Variants in MMD2 observed in about 807,000 individuals in gnomAD.
MMD2 encodes monocyte to macrophage differentiation associated 2, also known as monocyte to macrophage differentiation factor 2.
In MMD2, 30 loss-of-function variants were observed where a neutral mutation model predicts 33.5. The observed-to-expected ratio is 0.90, with a 90% CI of 0.67 to 1.22. The LOEUF (loss-of-function observed/expected upper bound fraction) is 1.22, where lower values mean the gene tolerates loss of function less well. Ranked by LOEUF, MMD2 falls within the 50% of genes most tolerant of loss-of-function variation. The probability of loss-of-function intolerance (pLI) is 0.00; values close to 1 mark genes in which losing one functional copy is unlikely to be tolerated. For synonymous variants in MMD2, 129 were observed against 123.0 expected, an observed-to-expected ratio of 1.05 and a Z score of -0.32; for missense variants, 364 against 325.4, an observed-to-expected ratio of 1.12 and a Z score of -0.91.
Position 4,925,433 on chromosome 7 carries a change from C to A in MMD2, c.129+18G>T. Reference sequence around the variant, plus strand: ...AGTGTCCCCATCTCAGCCCTGAGCCCCCCAAAAGCCAACTCACAGCATGGG... The same window carrying A: ...AGTGTCCCCATCTCAGCCCTGAGCCACCCAAAAGCCAACTCACAGCATGGG... On this transcript the variant is annotated intron_variant, in intron 2 of 6. Coordinates refer to ENST00000401401, the MANE Select transcript of MMD2 (RefSeq NM_198403.4). The A allele has an allele frequency of 6.5e-7, 1 of 1,532,200 alleles. No individual in the cohort carries two copies. Among genetic ancestry groups the A allele is most frequent in the Non-Finnish European group, 8.8e-7 (1 of 1,136,918 alleles). The allele number at this position is 1,532,200 out of a possible 1,614,324, so 94.9% of individuals were successfully genotyped here. A position where few individuals can be genotyped will look rare whatever the true frequency, so the allele number is the denominator to read the frequency against.
chr7:4,892,617 A>AATAAATAT, the MMD2 span, among the ~76,000 whole-genome samples: 1 of 149,154 alleles, frequency 6.7e-6, no homozygotes, highest in East Asian at 2.0e-4. Flanking sequence ...TAAATAAATA[A>AATAAATAT]ATCTGAAAAA....
chr7:4,950,079 TTGTGTGTGTG>T lies in MMD2; in HGVS notation c.47+8882_47+8891del, dbSNP rs60203634. Reference sequence around the variant, plus strand: ...TGTCATTAAGTACATTCACCTTCTTTTGTGTGTGTGTGTGTGTGTGTGTGTGTTGTGTGTG... The same window carrying T: ...TGTCATTAAGTACATTCACCTTCTTTTGTGTGTGTGTGTGTGTTGTGTGTG... On this transcript the variant is annotated intron_variant, in intron 1 of 6. Transcript: ENST00000401401. Among the ~76,000 whole-genome samples the T allele has an allele frequency of 1.5e-4, 22 of 150,090 alleles. No homozygotes were observed. In the East Asian group the frequency reaches 4.1e-3, roughly 28 times the overall value.
intron 2 of MMD2, among the ~76,000 whole-genome samples, chr7:4,921,491 C>A (rs568388322): frequency 4.0e-5 from 6 of 151,620 alleles, no homozygotes; most frequent in South Asian, 2.1e-4. Context: ...CATGGTGGTG[C>A]GCACCTGTAA....
intron 1 of MMD2, among the ~76,000 whole-genome samples, chr7:4,939,742 C>CTTTT (rs71032999): frequency 1.4e-5 from 2 of 141,854 alleles, no homozygotes; most frequent in African/African-American, 2.7e-5. Flanking sequence ...TTCTTTCTTT[C>CTTTT]TTTTTTTTTT....
chr7:4,948,397 C>T lies in MMD2; in HGVS notation c.47+10574G>A, dbSNP rs1289149978. On this transcript the variant is annotated intron_variant, in intron 1 of 6. Coordinates refer to ENST00000401401, the MANE Select transcript of MMD2 (RefSeq NM_198403.4). ...TTAGCTGGACGTGGTGGCGCACATG[C>T]CTGTAGTACCAGCTACTCGGGAGGC... is the stretch of plus-strand genomic sequence containing the variant. 2.0e-5 allele frequency among the ~76,000 whole-genome samples: 3 copies of T among 152,118 alleles called. No homozygotes were observed. The East Asian group carries it at 5.8e-4, about 29-fold the overall frequency.
At chr7:4,950,405 C>T (rs1331487099) in intron 1 of MMD2, among the ~76,000 whole-genome samples, 1 of 152,102 alleles carries the variant, frequency 6.6e-6, no homozygotes, top group Non-Finnish European at 1.5e-5. Context: ...GCCCCACATT[C>T]ACCTTCTTAT....
chr7:4,916,945 G>A lies in MMD2; in HGVS notation c.291-866C>T, dbSNP rs967320407. Among the ~76,000 whole-genome samples, 4 of 152,168 alleles carry A rather than the reference G, an allele frequency of 2.6e-5. No homozygotes were observed. In the South Asian group the frequency reaches 8.3e-4, roughly 32 times the overall value. On this transcript the variant is annotated intron_variant, in intron 3 of 6. Coordinates refer to ENST00000401401, the MANE Select transcript of MMD2 (RefSeq NM_198403.4). Reference sequence around the variant, plus strand: ...AGATCAGCCAGGCATAATTGTGTGTGCCTGTAGGCCTAGCTACTCCAGAGG... The same window carrying A: ...AGATCAGCCAGGCATAATTGTGTGTACCTGTAGGCCTAGCTACTCCAGAGG...
intron 1 of MMD2, among the ~76,000 whole-genome samples, chr7:4,939,967 C>G (rs754907653): frequency 9.9e-5 from 15 of 152,168 alleles, no homozygotes; most frequent in Non-Finnish European, 2.2e-4. Flanking sequence ...GTCTCGAACT[C>G]CTGACCTCAA....
chr7:4,958,955 C>G lies in MMD2; in HGVS notation c.47+16G>C. Reference sequence around the variant, plus strand: ...CCCTCCCTCCCTCCCCGCGGACCTCCGCGGCCGCCGCTCACCTCGCGTATT... The same window carrying G: ...CCCTCCCTCCCTCCCCGCGGACCTCGGCGGCCGCCGCTCACCTCGCGTATT... On this transcript the variant is annotated intron_variant, in intron 1 of 6. Coordinates refer to ENST00000401401, the MANE Select transcript of MMD2 (RefSeq NM_198403.4). 7.8e-7 allele frequency: 1 copy of G among 1,290,316 alleles called. No homozygotes were observed. Among genetic ancestry groups the G allele is most frequent in the Non-Finnish European group, 9.9e-7 (1 of 1,012,928 alleles). 79.9% of individuals were successfully genotyped at this position (1,290,316 alleles called of 1,614,324 possible).
At chr7:4,948,435 A>G (rs572051120) in intron 1 of MMD2, among the ~76,000 whole-genome samples, 1 of 152,272 alleles carries the variant, frequency 6.6e-6, no homozygotes, top group East Asian at 1.9e-4. Context: ...AGGCAGGAGA[A>G]TCACTTGAAC....
the MMD2 span, among the ~76,000 whole-genome samples, chr7:4,899,816 G>C: frequency 6.6e-6 from 1 of 152,124 alleles, no homozygotes; most frequent in Non-Finnish European, 1.5e-5. Context: ...AAATGGGCGG[G>C]TCACATGATA....
At chr7:4,898,591 T>C in the MMD2 span, among the ~76,000 whole-genome samples, 1 of 152,082 alleles carries the variant, frequency 6.6e-6, no homozygotes, top group Non-Finnish European at 1.5e-5. Context: ...TCCAAGGTGA[T>C]GGTATTAAGA....
At chr7:4,943,951 G>A (rs1476975133) in intron 1 of MMD2, among the ~76,000 whole-genome samples, 3 of 151,262 alleles carry the variant, frequency 2.0e-5, no homozygotes, top group African/African-American at 4.9e-5. Context: ...ATAGGTGCAC[G>A]CCACCACCCC....
At chr7:4,936,987 C>T (rs368763667) in intron 1 of MMD2, among the ~76,000 whole-genome samples, 18 of 151,636 alleles carry the variant, frequency 1.2e-4, no homozygotes, top group African/African-American at 2.9e-4. Flanking sequence ...CCACCTGCCT[C>T]GGCCTCCCAA....
chr7:4,913,116 A>G (rs989256581), intron 4 of MMD2, among the ~76,000 whole-genome samples: 8 of 152,172 alleles, frequency 5.3e-5, no homozygotes, highest in African/African-American at 1.9e-4. Context: ...GTTTAAGAGT[A>G]AAAAATAATA....
At chr7:4,915,750 GA>G (rs59352970) in intron 4 of MMD2, among the ~76,000 whole-genome samples, 205 of 102,578 alleles carry the variant, frequency 2.0e-3, no homozygotes, top group African/African-American at 5.1e-3. Flanking sequence ...AGAATTCTCA[GA>G]AAAAAAAAAA....
intron 1 of MMD2, among the ~76,000 whole-genome samples, chr7:4,925,874 T>G (rs957127188): frequency 6.6e-6 from 1 of 152,192 alleles, no homozygotes; most frequent in African/African-American, 2.4e-5. Flanking sequence ...AGTGTAGTGG[T>G]GTGATCTCAG....
chr7:4,935,951 G>A (rs920078541), intron 1 of MMD2, among the ~76,000 whole-genome samples: 4 of 152,006 alleles, frequency 2.6e-5, no homozygotes, highest in Non-Finnish European at 4.4e-5. Context: ...TTGGGAGGCC[G>A]AGGCAAGCAG....
chr7:4,958,424 A>G (rs952384858), intron 1 of MMD2, among the ~76,000 whole-genome samples: 6 of 152,122 alleles, frequency 3.9e-5, no homozygotes, highest in African/African-American at 1.4e-4. Context: ...CGGAGTTCAC[A>G]CTATGAAAAG....
Sources: gnomAD v4.1 joint callset for allele counts (sites outside exome capture counted in the v4.1 genomes callset) on GRCh38, gnomAD v4.1.1 for gene constraint, MANE v1.5 for transcripts, NCBI Gene and HGNC (gene_info 2026-07-23, HGNC 2026-07-21) for gene names.